RIMS2: variants seen among roughly 807,000 people sequenced by gnomAD.
RIMS2 encodes regulating synaptic membrane exocytosis 2.
RIMS2 carries 59 observed loss-of-function variants against 174.4 expected under a neutral mutation model. The observed-to-expected ratio is 0.34, with a 90% CI of 0.27 to 0.42. RIMS2 has a LOEUF of 0.42. Among genes scored for constraint, RIMS2 ranks in the 10% least tolerant of loss-of-function variants. The pLI is 1.00. For missense variants in RIMS2, 1,620 were observed against 1,666.3 expected (o/e 0.97, Z 0.48); for synonymous variants, 606 against 572.5 (o/e 1.06, Z -0.84).
intron 1 of RIMS2, among the ~76,000 whole-genome samples, chr8:103,598,141 G>C (rs2094549396): frequency 6.6e-6 from 1 of 152,126 alleles, no homozygotes; most frequent in Non-Finnish European, 1.5e-5. Context: ...TTCATAGAAA[G>C]CCTTGGAAGA....
intron 2 of RIMS2, among the ~76,000 whole-genome samples, chr8:103,759,237 C>T (rs2098076620): frequency 6.6e-6 from 1 of 152,132 alleles, no homozygotes; most frequent in Non-Finnish European, 1.5e-5. Flanking sequence ...GGCATAGATA[C>T]TTCAGAATGA....
At chr8:103,740,167 A>G (rs2097745216) in intron 2 of RIMS2, among the ~76,000 whole-genome samples, 1 of 152,218 alleles carries the variant, frequency 6.6e-6, no homozygotes, top group African/African-American at 2.4e-5. Context: ...TGTTGTCAGA[A>G]TAGTCACTAC....
intron 19 of RIMS2, among the ~76,000 whole-genome samples, chr8:104,065,913 A>G (rs1394840731): frequency 1.3e-5 from 2 of 152,212 alleles, no homozygotes; most frequent in South Asian, 2.1e-4. Context: ...GCAAATACAG[A>G]TTAATATTCT....
At position 103,788,125 on chromosome 8, in the gene RIMS2, C is replaced by A. The variant is rs959383599; in HGVS notation, c.698+21588C>A. ...GAGCCTTGGTTTTCAGCTCCATCAGCCCCTTTAAGCACTTCTCTGTATTGG... is the reference window on the plus strand; with the variant it reads ...GAGCCTTGGTTTTCAGCTCCATCAGACCCTTTAAGCACTTCTCTGTATTGG... On this transcript the variant is annotated intron_variant, in intron 3 of 23. Coordinates refer to ENST00000504942, the Ensembl canonical transcript of RIMS2. Among the ~76,000 whole-genome samples, 13 of 150,852 alleles carry A rather than the reference C, an allele frequency of 8.6e-5. No individual in the cohort carries two copies. In the East Asian group the frequency reaches 2.5e-3, roughly 29 times the overall value.
At chr8:103,775,152 C>T (rs2098299122) in intron 3 of RIMS2, among the ~76,000 whole-genome samples, 1 of 152,016 alleles carries the variant, frequency 6.6e-6, no homozygotes, top group Admixed American at 6.6e-5. Context: ...GTGTGCATTA[C>T]ATATGGTTTA....
chr8:104,016,670 G>A lies in RIMS2; in HGVS notation c.3334+2055G>A, dbSNP rs1200264005. ...TTTTTGTCTCTTCAGTGTTTTTAAA[G>A]ATGGAGTTTCAACATCATTTATTGG... On this transcript the variant is annotated intron_variant, in intron 19 of 23. Transcript: ENST00000504942. 5.3e-5 allele frequency among the ~76,000 whole-genome samples: 8 copies of A among 152,206 alleles called. No individual in the cohort carries two copies. The East Asian group carries it at 1.5e-3, about 29-fold the overall frequency.
intron 1 of RIMS2, among the ~76,000 whole-genome samples, chr8:103,678,307 T>C (rs1156575510): frequency 6.6e-6 from 1 of 152,206 alleles, no homozygotes; most frequent in Non-Finnish European, 1.5e-5. Context: ...CTATGAGCCA[T>C]GTATTATGCT....
At chr8:104,223,391 G>T in intron 19 of RIMS2, 1 of 1,253,208 alleles carries the variant, frequency 8.0e-7, no homozygotes, top group South Asian at 2.9e-5. Flanking sequence ...GACCTCGGAC[G>T]TTCACTGCGA....
chr8:104,179,197 T>C (rs1039475701), intron 19 of RIMS2, among the ~76,000 whole-genome samples: 1 of 152,164 alleles, frequency 6.6e-6, no homozygotes, highest in South Asian at 2.1e-4. Context: ...AAACTTCAAA[T>C]AGATGTCTCC....
In RIMS2 at chr8:103,750,967, G is replaced by A. The variant is rs1025886372; in HGVS notation, c.388-15260G>A. ...TGAATCATGGGGGCAGGTCTTTCTC[G>A]TGTTGTTCTCCTGATAGAGAATAAG... On this transcript the variant is annotated intron_variant, in intron 2 of 23. Coordinates refer to ENST00000504942, the Ensembl canonical transcript of RIMS2. Among the ~76,000 whole-genome samples, 16 of 152,202 alleles carry A rather than the reference G, an allele frequency of 1.1e-4. No homozygotes were observed. In the East Asian group the frequency reaches 1.9e-3, roughly 18 times the overall value.
chr8:103,969,787 G>A (rs991783106), intron 15 of RIMS2, among the ~76,000 whole-genome samples: 12 of 151,994 alleles, frequency 7.9e-5, no homozygotes, highest in South Asian at 2.1e-4. Flanking sequence ...TCGCTCAGTC[G>A]CCCAGGATGG....
At chr8:103,554,446 A>G (rs1849510651) in intron 1 of RIMS2, among the ~76,000 whole-genome samples, 1 of 152,130 alleles carries the variant, frequency 6.6e-6, no homozygotes, top group African/African-American at 2.4e-5. Context: ...AAAAATGCTC[A>G]TCTTACCATT....
intron 19 of RIMS2, among the ~76,000 whole-genome samples, chr8:104,119,401 T>G (rs1448979256): frequency 6.6e-6 from 1 of 151,954 alleles, no homozygotes; most frequent in Non-Finnish European, 1.5e-5. Context: ...TTATTGTACT[T>G]CAGGTTTTAG....
At chr8:104,128,281 C>T (rs909112734) in intron 19 of RIMS2, among the ~76,000 whole-genome samples, 2 of 152,152 alleles carry the variant, frequency 1.3e-5, no homozygotes, top group African/African-American at 4.8e-5. Flanking sequence ...TTTATAAATT[C>T]TTCTGTGCTG....
exon 3 of RIMS2, chr8:103,766,360 A>G: frequency 1.2e-6 from 2 of 1,613,770 alleles, no homozygotes; most frequent in Non-Finnish European, 1.7e-6. Flanking sequence ...AGAAATGAGG[A>G]GGCACCTCAG....
chr8:103,767,290 C>A (rs189996782), intron 3 of RIMS2, among the ~76,000 whole-genome samples: 2 of 151,622 alleles, frequency 1.3e-5, no homozygotes, highest in South Asian at 4.2e-4. Flanking sequence ...CAGGTTCAAG[C>A]GATTCCCCTG....
chr8:103,665,664 G>A (rs1359095496), intron 1 of RIMS2, among the ~76,000 whole-genome samples: 4 of 152,048 alleles, frequency 2.6e-5, no homozygotes, highest in Admixed American at 6.5e-5. Context: ...TCTACCTCAC[G>A]CTGACTTTCC....
intron 19 of RIMS2, among the ~76,000 whole-genome samples, chr8:104,150,919 C>A (rs12681161): frequency 6.6e-6 from 1 of 151,888 alleles, no homozygotes; most frequent in Non-Finnish European, 1.5e-5. Context: ...CAGGGACTAT[C>A]CTAAAGAAAA....
At chr8:104,203,784 G>A (rs925698758) in intron 19 of RIMS2, among the ~76,000 whole-genome samples, 7 of 152,146 alleles carry the variant, frequency 4.6e-5, no homozygotes, top group African/African-American at 1.7e-4. Flanking sequence ...GATTACAGGT[G>A]TGAGCCACAG....
Sources: allele counts gnomAD v4.1 joint callset (sites outside exome capture counted in the v4.1 genomes callset), GRCh38; gene constraint gnomAD v4.1.1; transcripts MANE v1.5; gene names NCBI Gene and HGNC (gene_info 2026-07-23, HGNC 2026-07-21).